Variants in TMC1 observed in about 807,000 individuals in gnomAD.
TMC1 encodes the protein transmembrane channel like 1.
TMC1 carries 84 observed loss-of-function variants against 105.8 expected under a neutral mutation model. The ratio of observed to expected loss-of-function variants is 0.79; its 90% CI spans 0.67 to 0.95. The LOEUF (loss-of-function observed/expected upper bound fraction) is 0.95, where lower values mean the gene tolerates loss of function less well. Ranked by LOEUF, TMC1 falls within the 40% of genes least tolerant of loss-of-function variation. The pLI is 0.00. For missense variants in TMC1, 817 were observed against 914.1 expected, an observed-to-expected ratio of 0.89 and a Z score of 1.37; for synonymous variants, 315 against 311.5, an observed-to-expected ratio of 1.01 and a Z score of -0.12.
chr9:72,721,288 G>C (rs1206839255), intron 8 of TMC1, among the ~76,000 whole-genome samples: 4 of 152,076 alleles, frequency 2.6e-5, no homozygotes, highest in African/African-American at 9.7e-5. Context: ...ACCTTTACCA[G>C]CTGAGAGCCT....
intron 6 of TMC1, among the ~76,000 whole-genome samples, chr9:72,693,045 T>C (rs1397716161): frequency 2.6e-5 from 4 of 151,138 alleles, no homozygotes; most frequent in Non-Finnish European, 5.9e-5. Flanking sequence ...GTTTGAACTC[T>C]GGAGCTGGAG....
chr9:72,834,717 CTT>C (rs1829094788), intron 23 of TMC1, among the ~76,000 whole-genome samples: 1 of 152,102 alleles, frequency 6.6e-6, no homozygotes, highest in Admixed American at 6.5e-5. Flanking sequence ...CTGTTTTACT[CTT>C]TTTAGAAAAA....
chr9:72,574,037 G>T (rs940377939), intron 1 of TMC1, among the ~76,000 whole-genome samples: 6 of 152,258 alleles, frequency 3.9e-5, no homozygotes, highest in African/African-American at 9.6e-5. Context: ...GTGAGAACAC[G>T]CAGTATATGA....
intron 8 of TMC1, among the ~76,000 whole-genome samples, chr9:72,726,217 T>C (rs898257486): frequency 1.8e-4 from 27 of 152,198 alleles, no homozygotes; most frequent in Non-Finnish European, 3.5e-4. Flanking sequence ...GAATCACTTA[T>C]TTCAAATAGT....
intron 8 of TMC1, among the ~76,000 whole-genome samples, chr9:72,726,511 A>C (rs1827128017): frequency 6.6e-6 from 1 of 152,184 alleles, no homozygotes; most frequent in Non-Finnish European, 1.5e-5. Context: ...TTCACATAGG[A>C]AGATGGTGTC....
At chr9:72,553,885 G>A (rs140079845) in intron 1 of TMC1, among the ~76,000 whole-genome samples, 35 of 152,164 alleles carry the variant, frequency 2.3e-4, no homozygotes, top group East Asian at 3.9e-4. Flanking sequence ...AAGTACTGGC[G>A]TCTCCCTACG....
intron 20 of TMC1, among the ~76,000 whole-genome samples, chr9:72,822,272 G>T (rs1419881342): frequency 6.6e-6 from 1 of 152,202 alleles, no homozygotes; most frequent in Non-Finnish European, 1.5e-5. Flanking sequence ...TGAATGATAT[G>T]CATGATGCTG....
intron 8 of TMC1, among the ~76,000 whole-genome samples, chr9:72,704,449 AT>A (rs1279038994): frequency 6.6e-6 from 1 of 152,152 alleles, no homozygotes; most frequent in Non-Finnish European, 1.5e-5. Flanking sequence ...TAGTTCCCAC[AT>A]TTTTAAAGAG....
chr9:72,831,683 C>A (rs1402822609), intron 23 of TMC1, among the ~76,000 whole-genome samples: 2 of 152,044 alleles, frequency 1.3e-5, no homozygotes, highest in East Asian at 3.9e-4. Flanking sequence ...TAAGAACATG[C>A]GGTGTTTGGT....
At chr9:72,811,070 T>A (rs933899174) in intron 18 of TMC1, among the ~76,000 whole-genome samples, 1 of 152,262 alleles carries the variant, frequency 6.6e-6, no homozygotes, top group African/African-American at 2.4e-5. Context: ...CCAGTTGTAA[T>A]GCATGTATTT....
intron 1 of TMC1, among the ~76,000 whole-genome samples, chr9:72,551,865 A>G (rs1309774773): frequency 6.6e-6 from 1 of 152,172 alleles, no homozygotes; most frequent in East Asian, 1.9e-4. Flanking sequence ...TGATGATGGC[A>G]GAGATTAGAG....
chr9:72,614,943 G>A (rs1475924143), intron 2 of TMC1, among the ~76,000 whole-genome samples: 1 of 152,144 alleles, frequency 6.6e-6, no homozygotes, highest in East Asian at 1.9e-4. Context: ...GCTTCCCAAT[G>A]TGCTAGGATT....
intron 19 of TMC1, among the ~76,000 whole-genome samples, chr9:72,816,671 G>A (rs1828793195): frequency 6.6e-6 from 1 of 151,960 alleles, no homozygotes; most frequent in Non-Finnish European, 1.5e-5. Context: ...ATAGTTTATC[G>A]AGATGAAACG....
intron 7 of TMC1, among the ~76,000 whole-genome samples, chr9:72,695,902 G>T (rs1826542270): frequency 6.6e-6 from 1 of 151,800 alleles, no homozygotes. Context: ...TGCTTTTAAA[G>T]TTTCTTTATG....
At chr9:72,820,458 T>C (rs1379897284) in intron 19 of TMC1, among the ~76,000 whole-genome samples, 2 of 152,232 alleles carry the variant, frequency 1.3e-5, no homozygotes, top group Non-Finnish European at 2.9e-5. Flanking sequence ...TAACAAGTTA[T>C]ATTTATAGGT....
intron 7 of TMC1, among the ~76,000 whole-genome samples, chr9:72,695,143 G>A (rs1826528285): frequency 6.6e-6 from 1 of 151,976 alleles, no homozygotes; most frequent in African/African-American, 2.4e-5. Flanking sequence ...AGCTTCAAAG[G>A]GTCATTAATA....
intron 5 of TMC1, among the ~76,000 whole-genome samples, chr9:72,667,080 A>AAAAC (rs942137049): frequency 4.6e-5 from 7 of 152,232 alleles, no homozygotes; most frequent in East Asian, 1.9e-4. Flanking sequence ...ACCCTGTCTC[A>AAAAC]AAACAAACAA....
intron 1 of TMC1, among the ~76,000 whole-genome samples, chr9:72,546,740 G>A (rs1823774868): frequency 6.6e-6 from 1 of 152,158 alleles, no homozygotes; most frequent in Admixed American, 6.5e-5. Context: ...GTCTGATTAA[G>A]TTCATCTAAG....
At chr9:72,624,238 T>C (rs1825306444) in intron 3 of TMC1, among the ~76,000 whole-genome samples, 1 of 152,072 alleles carries the variant, frequency 6.6e-6, no homozygotes, top group Admixed American at 6.5e-5. Context: ...GAGACACTAT[T>C]TATGGGCTTT....
Sources: gnomAD v4.1 joint callset for allele counts (sites outside exome capture counted in the v4.1 genomes callset) on GRCh38, gnomAD v4.1.1 for gene constraint, MANE v1.5 for transcripts, NCBI Gene and HGNC (gene_info 2026-07-23, HGNC 2026-07-21) for gene names.